SNAP23: variants seen among roughly 807,000 people sequenced by gnomAD.
SNAP23 encodes synaptosomal-associated protein 23.
A neutral mutation model predicts 29.0 loss-of-function variants in SNAP23; 11 were observed. That is an observed-to-expected ratio of 0.38 (90% CI 0.24 to 0.63). SNAP23 has a LOEUF of 0.63. SNAP23 is among the 20% of genes least tolerant of loss of function. The pLI is 0.58. For missense variants in SNAP23, 220 were observed against 253.9 expected, an observed-to-expected ratio of 0.87 and a Z score of 0.91; for synonymous variants, 60 against 82.9, an observed-to-expected ratio of 0.72 and a Z score of 1.50.
chr15:42,493,801 A>C (rs1287052258), upstream of SNAP23, among the ~76,000 whole-genome samples: 1 of 152,200 alleles, frequency 6.6e-6, no homozygotes, highest in Admixed American at 6.5e-5. Context: ...TTCTATCAGA[A>C]GATGACCCCA....
intron 1 of SNAP23, among the ~76,000 whole-genome samples, chr15:42,507,725 A>C (rs554866988): frequency 2.0e-5 from 3 of 152,258 alleles, no homozygotes; most frequent in Non-Finnish European, 4.4e-5. Flanking sequence ...ATTCTCTCTG[A>C]CTCGTCTCAG....
chr15:42,502,519 C>CTAAA (rs74278905), intron 1 of SNAP23, among the ~76,000 whole-genome samples: 1,655 of 151,678 alleles, frequency 0.011, 33 homozygotes, highest in African/African-American at 0.038. Flanking sequence ...CTATATCTAC[C>CTAAA]TAAATAAATA....
chr15:42,495,034 T>G (rs891627359), upstream of SNAP23, among the ~76,000 whole-genome samples: 2 of 152,308 alleles, frequency 1.3e-5, no homozygotes, highest in Non-Finnish European at 2.9e-5. Context: ...CACTCGGGGA[T>G]GTACGATTAG....
At chr15:42,525,261 G>A (rs1386467633) in intron 5 of SNAP23, among the ~76,000 whole-genome samples, 2 of 151,122 alleles carry the variant, frequency 1.3e-5, no homozygotes, top group Non-Finnish European at 3.0e-5. Flanking sequence ...CCAGCTATTC[G>A]GGAGGCTGAG....
intron 7 of SNAP23, among the ~76,000 whole-genome samples, chr15:42,530,128 A>G (rs2141561968): frequency 6.6e-6 from 1 of 152,276 alleles, no homozygotes; most frequent in South Asian, 2.1e-4. Context: ...TTATTTTGTT[A>G]ACTAATTTTT....
intron 1 of SNAP23, 74 bp from the exon 2 acceptor site, chr15:42,511,759 C>T: frequency 1.2e-6 from 1 of 811,174 alleles, no homozygotes; most frequent in Non-Finnish European, 1.9e-6. Flanking sequence ...TAAATCTACA[C>T]TTTTTGCTCA....
intron 1 of SNAP23, among the ~76,000 whole-genome samples, chr15:42,503,922 T>C (rs2057296826): frequency 6.6e-6 from 1 of 152,198 alleles, no homozygotes; most frequent in African/African-American, 2.4e-5. Flanking sequence ...AATATGTATG[T>C]ATATTTGCAT....
At chr15:42,521,156 A>T (rs1309978787) in intron 5 of SNAP23, among the ~76,000 whole-genome samples, 1 of 152,174 alleles carries the variant, frequency 6.6e-6, no homozygotes, top group Admixed American at 6.5e-5. Context: ...TACTCAATAA[A>T]CACTTGTTGA....
chr15:42,497,499 G>A (rs1035266072), intron 1 of SNAP23, among the ~76,000 whole-genome samples: 26 of 151,814 alleles, frequency 1.7e-4, no homozygotes, highest in East Asian at 1.4e-3. Flanking sequence ...GTGAGCCACC[G>A]CGCCTGGCTA....
chr15:42,520,979 G>A (rs998471482), intron 5 of SNAP23, among the ~76,000 whole-genome samples: 23 of 152,240 alleles, frequency 1.5e-4, no homozygotes, highest in Admixed American at 7.2e-4. Flanking sequence ...ATTCAGCTCC[G>A]ACTAATTAAA....
intron 3 of SNAP23, 53 bp from the exon 4 acceptor site, chr15:42,513,346 T>C: frequency 6.6e-7 from 1 of 1,506,622 alleles, no homozygotes; most frequent in South Asian, 1.1e-5. Context: ...GTTTTGTTTC[T>C]GTTGTTTTTG....
At chr15:42,501,042 A>G (rs1214193592) in intron 1 of SNAP23, among the ~76,000 whole-genome samples, 1 of 152,162 alleles carries the variant, frequency 6.6e-6, no homozygotes, top group African/African-American at 2.4e-5. Flanking sequence ...ATGGCCTTTC[A>G]ATACTTATAA....
chr15:42,514,392 G>A (rs543854432), intron 4 of SNAP23, among the ~76,000 whole-genome samples: 10 of 151,062 alleles, frequency 6.6e-5, no homozygotes, highest in Non-Finnish European at 1.0e-4. Context: ...CACTTGATCC[G>A]CCCACGTCGG....
chr15:42,513,803 C>T (rs928082367), intron 4 of SNAP23, among the ~76,000 whole-genome samples: 1 of 151,104 alleles, frequency 6.6e-6, no homozygotes, highest in Non-Finnish European at 1.5e-5. Context: ...GACGGAGTTT[C>T]GCTATTTTTG....
At chr15:42,509,684 C>T (rs923239623) in intron 1 of SNAP23, among the ~76,000 whole-genome samples, 19 of 152,138 alleles carry the variant, frequency 1.2e-4, no homozygotes, top group Non-Finnish European at 2.1e-4. Context: ...GTGATCCATC[C>T]GCCTCGGCCT....
intron 2 of SNAP23, among the ~76,000 whole-genome samples, chr15:42,512,703 G>A (rs960836913): frequency 6.6e-5 from 10 of 151,702 alleles, no homozygotes; most frequent in Admixed American, 2.0e-4. Flanking sequence ...GGGAAGGATA[G>A]GCTGGCAATT....
intron 1 of SNAP23, among the ~76,000 whole-genome samples, chr15:42,501,152 A>C (rs193025483): frequency 6.6e-6 from 1 of 152,300 alleles, no homozygotes; most frequent in African/African-American, 2.4e-5. Flanking sequence ...CAACCTAGGC[A>C]GCATAGCAAA....
chr15:42,511,583 A>C (rs1354289345), intron 1 of SNAP23, among the ~76,000 whole-genome samples: 1 of 152,206 alleles, frequency 6.6e-6, no homozygotes, highest in African/African-American at 2.4e-5. Context: ...TGTTGGAAAG[A>C]GTACTTCCCT....
intron 1 of SNAP23, among the ~76,000 whole-genome samples, chr15:42,508,262 CAAA>C (rs5812223): frequency 1.2e-4 from 11 of 89,708 alleles, no homozygotes; most frequent in Admixed American, 4.0e-4. Context: ...AGCCTTGCCT[CAAA>C]AAAAAAAAAA....
Sources: gnomAD v4.1 joint callset for allele counts (sites outside exome capture counted in the v4.1 genomes callset) on GRCh38, gnomAD v4.1.1 for gene constraint, MANE v1.5 for transcripts, NCBI Gene and HGNC (gene_info 2026-07-23, HGNC 2026-07-21) for gene names.